MYH10: variants seen among roughly 807,000 people sequenced by gnomAD.
The protein encoded by MYH10 is myosin heavy chain 10, also known as myosin-10.
In MYH10, 55 loss-of-function variants were observed where a neutral mutation model predicts 257.8. The ratio of observed to expected loss-of-function variants is 0.21; its 90% confidence interval spans 0.17 to 0.27. MYH10 has a LOEUF of 0.27. Among genes scored for constraint, MYH10 ranks in the 10% least tolerant of loss-of-function variants. The pLI is 1.00. For missense variants in MYH10, 1,631 were observed against 2,500.6 expected, an observed-to-expected ratio of 0.65 and a Z score of 7.42; for synonymous variants, 854 against 921.7, an observed-to-expected ratio of 0.93 and a Z score of 1.33.
chr17:8,497,841 G>T (rs1916893754), intron 30 of MYH10, among the ~76,000 whole-genome samples: 1 of 149,618 alleles, frequency 6.7e-6, no homozygotes, highest in Admixed American at 6.7e-5. Context: ...CTAAAAACAT[G>T]ACTTTTTTGA....
intron 17 of MYH10, among the ~76,000 whole-genome samples, chr17:8,525,344 T>TC (rs1424887785): frequency 6.6e-6 from 1 of 152,188 alleles, no homozygotes; most frequent in Non-Finnish European, 1.5e-5. Context: ...GGACTGAGCT[T>TC]CCCCAGGGAA....
chr17:8,576,623 G>A lies in MYH10; in HGVS notation c.663+20C>T. On this transcript the variant is annotated intron_variant, in intron 6 of 42. Coordinates refer to ENST00000360416, the MANE Select transcript of MYH10 (RefSeq NM_001256012.3). Reference sequence around the variant, plus strand: ...TAGTGCAAACACTCAAGACTAAGAAGCATAAAGAAGAGCACTTGCCTGGTG... The same window carrying A: ...TAGTGCAAACACTCAAGACTAAGAAACATAAAGAAGAGCACTTGCCTGGTG... The A allele has an allele frequency of 6.5e-7, 1 of 1,548,836 alleles. No individual in the cohort carries two copies. Among genetic ancestry groups the A allele is most frequent in the Non-Finnish European group, 8.7e-7 (1 of 1,145,330 alleles).
chr17:8,587,089 A>T (rs2083937564), intron 4 of MYH10, among the ~76,000 whole-genome samples: 1 of 152,178 alleles, frequency 6.6e-6, no homozygotes, highest in Non-Finnish European at 1.5e-5. Flanking sequence ...ACCACGTTAA[A>T]AGCCAGGGAT....
At chr17:8,546,794 G>A in intron 11 of MYH10, 132 bp from the exon 12 acceptor site, 1 of 625,838 alleles carries the variant, frequency 1.6e-6, no homozygotes, top group Non-Finnish European at 2.6e-6. Context: ...CTTAAAATCA[G>A]ACAAGTTTTA....
intron 3 of MYH10, among the ~76,000 whole-genome samples, chr17:8,593,160 A>T (rs2084236906): frequency 6.6e-6 from 1 of 151,610 alleles, no homozygotes; most frequent in African/African-American, 2.4e-5. Flanking sequence ...TTAAAAACTC[A>T]GCAAACTAGA....
At chr17:8,614,647 G>A (rs2152094173) in intron 2 of MYH10, among the ~76,000 whole-genome samples, 1 of 152,136 alleles carries the variant, frequency 6.6e-6, no homozygotes, top group South Asian at 2.1e-4. Context: ...TACCCAGAGA[G>A]TCAAAGAAAA....
At position 8,492,363 on chromosome 17, in the gene MYH10, C is replaced by T; in HGVS notation, c.4605G>A (p.Arg1535=). The T allele has an allele frequency of 6.2e-7, 1 of 1,613,832 alleles. No individual in the cohort carries two copies. The highest frequency in any genetic ancestry group is 8.5e-7 in the Non-Finnish European group (1 of 1,180,042). The change falls in exon 34 of 43, where the codon AGG becomes AGA. Residue 1535 remains arginine, a synonymous_variant. Coordinates refer to ENST00000360416, the MANE Select transcript of MYH10 (RefSeq NM_001256012.3). The part of the protein sequence containing the change: ...EALEAKEEFE[R]QNKQLRADME... ...TGTCTGCTCGGAGCTGCTTGTTCTG[C>T]CTCTCAAACTCCTCCTTGGCCTCCA...
chr17:8,496,277 C>T (rs987374288), intron 30 of MYH10, among the ~76,000 whole-genome samples: 5 of 152,212 alleles, frequency 3.3e-5, no homozygotes, highest in Admixed American at 6.5e-5. Context: ...GGAGAGTGGA[C>T]GGTGGCACAG....
At chr17:8,533,245 G>C (rs2082052234) in intron 16 of MYH10, among the ~76,000 whole-genome samples, 1 of 152,140 alleles carries the variant, frequency 6.6e-6, no homozygotes, top group Non-Finnish European at 1.5e-5. Flanking sequence ...CAAACCTACT[G>C]ATGCTATTTA....
chr17:8,551,133 T>C lies in MYH10; in HGVS notation c.919+913A>G, dbSNP rs1018569815. ...CTCTGTGAGAAACACCCAAGAATTA[T>C]CAATAAAAAATAAATAAATAATAAA... On this transcript the variant is annotated intron_variant, in intron 9 of 42. Coordinates refer to ENST00000360416, the MANE Select transcript of MYH10 (RefSeq NM_001256012.3). Among the ~76,000 whole-genome samples, 218 of 138,570 alleles carry C rather than the reference T, an allele frequency of 1.6e-3. 1 individual carries two copies. The highest frequency in any genetic ancestry group is 7.4e-3 in the Middle Eastern group (2 of 272). The allele number at this position is 138,570 out of a possible 152,430, so 90.9% of individuals were successfully genotyped here. A position where few individuals can be genotyped will look rare whatever the true frequency, so the allele number is the denominator to read the frequency against.
At chr17:8,612,643 G>C (rs1184816850) in intron 2 of MYH10, among the ~76,000 whole-genome samples, 1 of 152,130 alleles carries the variant, frequency 6.6e-6, no homozygotes, top group African/African-American at 2.4e-5. Context: ...ACGAGGTCAG[G>C]AGTTCAAAAC....
At chr17:8,607,209 A>G (rs1043992697) in intron 2 of MYH10, among the ~76,000 whole-genome samples, 1 of 152,208 alleles carries the variant, frequency 6.6e-6, no homozygotes, top group African/African-American at 2.4e-5. Flanking sequence ...GAAGCTACAG[A>G]TTATACTCTT....
chr17:8,620,560 A>G (rs2085426014), intron 2 of MYH10, among the ~76,000 whole-genome samples: 1 of 150,498 alleles, frequency 6.6e-6, no homozygotes, highest in Non-Finnish European at 1.5e-5. Context: ...TGTTTAAATA[A>G]ATTTATGTTA....
intron 17 of MYH10, among the ~76,000 whole-genome samples, chr17:8,523,007 C>T (rs1162549836): frequency 3.3e-5 from 5 of 152,194 alleles, no homozygotes; most frequent in African/African-American, 1.2e-4. Flanking sequence ...TTCTGCTTTT[C>T]CTGTACCTCA....
In MYH10 at chr17:8,506,247, C is replaced by G; in HGVS notation, c.3386+71G>C. The G allele has an allele frequency of 6.8e-7, 1 of 1,470,866 alleles. No individual in the cohort carries two copies. The highest frequency in any genetic ancestry group is 9.0e-7 in the Non-Finnish European group (1 of 1,110,554). 91.1% of individuals were successfully genotyped at this position (1,470,866 alleles called of 1,614,324 possible). On this transcript the variant is annotated intron_variant, in intron 27 of 42. Coordinates refer to ENST00000360416, the MANE Select transcript of MYH10 (RefSeq NM_001256012.3). This position sits in a 1 kb window ranked among gnomAD's most constrained non-coding sequence, Gnocchi z 5.0. ...ACTCTCCCAGGGTTTTTGAATGCTC[C>G]CGAACATAACAAAGTCTGCTGAAAC...
rs1403161252 is a variant in MYH10, at chr17:8,504,948, C to G, written c.3387-42G>C. ...GCGCAAGAGGCACTCAGAGATGGCA[C>G]CCGGATGGCCTGTTTCTCAGGCGAG... On this transcript the variant is annotated intron_variant, in intron 27 of 42. Transcript: ENST00000360416. The surrounding 1 kb of genome is among the most constrained non-coding windows in gnomAD (Gnocchi z 5.6). 7 of 1,556,962 alleles carry G rather than the reference C, an allele frequency of 4.5e-6. No individual in the cohort carries two copies. Among genetic ancestry groups the G allele is most frequent in the Non-Finnish European group, 2.7e-6 (3 of 1,129,732 alleles).
At chr17:8,627,393 T>G (rs2085724604) in intron 1 of MYH10, among the ~76,000 whole-genome samples, 1 of 152,196 alleles carries the variant, frequency 6.6e-6, no homozygotes, top group African/African-American at 2.4e-5. Context: ...CTATTATTCC[T>G]TCAACTCCTG....
At position 8,495,166 on chromosome 17, in the gene MYH10, T is replaced by C. The variant is rs756466850; in HGVS notation, c.4027A>G (p.Ser1343Gly). Residue 1343 changes from serine (S) to glycine (G), a missense_variant, in exon 31 of 43, where the codon AGT (serine) becomes GGT (glycine). By Grantham distance (56) the Ser-to-Gly change is moderately conservative. Transcript: ENST00000360416. ...GTATCCTGTAGTTGAGACTCAAGAC[T>C]AGCTGCATCCTTAGCAAATTTAATA... ...KGIKFAKDAA[S>G]LESQLQDTQE... is the part of the protein sequence containing the mutation. 4 of 1,612,430 alleles carry C rather than the reference T, an allele frequency of 2.5e-6. No individual in the cohort carries two copies. The highest frequency in any genetic ancestry group is 1.6e-4 in the Middle Eastern group (1 of 6,078).
chr17:8,542,087 G>T lies in MYH10; in HGVS notation c.1605+20C>A. 5 of 1,591,824 alleles carry T rather than the reference G, an allele frequency of 3.1e-6. No homozygotes were observed. The highest frequency in any genetic ancestry group is 1.2e-5 in the South Asian group (1 of 86,824). Reference sequence around the variant, plus strand: ...GCTTGAGTGGAAAATGAAAGACAGCGAGCAAGTGAGCACTCTTACAGGTCT... The same window carrying T: ...GCTTGAGTGGAAAATGAAAGACAGCTAGCAAGTGAGCACTCTTACAGGTCT... On this transcript the variant is annotated intron_variant, in intron 14 of 42. Coordinates refer to ENST00000360416, the MANE Select transcript of MYH10 (RefSeq NM_001256012.3).
Sources: allele counts gnomAD v4.1 joint callset (sites outside exome capture counted in the v4.1 genomes callset), GRCh38; gene constraint gnomAD v4.1.1; non-coding constraint Gnocchi (gnomAD v3.1); transcripts MANE v1.5; gene names NCBI Gene and HGNC (gene_info 2026-07-23, HGNC 2026-07-21).